The following ZNF750 variants were observed in gnomAD, a reference collection of about 807,000 sequenced individuals.
The protein encoded by ZNF750 is protein ZNF750.
Under a neutral mutation model 31.6 loss-of-function variants are expected in ZNF750, and 10 were observed. That is an observed-to-expected ratio of 0.32 (90% CI 0.19 to 0.54). The LOEUF is 0.54. Among genes scored for constraint, ZNF750 ranks in the 20% least tolerant of loss-of-function variants. The pLI is 0.95. For synonymous variants in ZNF750, 400 were observed against 404.9 expected (o/e 0.99, Z 0.15); for missense variants, 914 against 934.9 (o/e 0.98, Z 0.29).
At position 82,830,498 on chromosome 17, in the gene ZNF750, C is replaced by A. The variant is rs762687130; in HGVS notation, c.1816G>T (p.Gly606Cys). The A allele has an allele frequency of 6.2e-7, 1 of 1,613,632 alleles. No individual in the cohort carries two copies. The highest frequency in any genetic ancestry group is 8.5e-7 in the Non-Finnish European group (1 of 1,179,782). The part of the protein sequence containing the change: ...HPETKPGSLD[G>C]DGAPPTGPGE... Reference sequence around the variant, plus strand: ...GGGCCTGTGGGTGGGGCCCCGTCACCGTCGAGGCTGCCTGGCTTGGTCTCA... The same window carrying A: ...GGGCCTGTGGGTGGGGCCCCGTCACAGTCGAGGCTGCCTGGCTTGGTCTCA... The change falls in exon 3 of 3, where the codon GGT becomes TGT. Residue 606 changes from glycine (G) to cysteine (C), a missense_variant. By Grantham distance (159) the Gly-to-Cys change is radical. This residue lies in a region of ZNF750 where 880 missense variants were observed against 868.9 expected (regional missense o/e 1.01). Transcript: ENST00000269394.
chr17:82,831,083 C>G lies in ZNF750; in HGVS notation c.1372G>C (p.Val458Leu), dbSNP rs1567851993. The change falls in exon 2 of 3, where the codon GTT (valine) becomes CTT (leucine). Residue 458 changes from valine (V) to leucine (L), a missense_variant. Val to Leu is a conservative substitution (Grantham distance 32). Transcript: ENST00000269394. The surrounding 1 kb of genome is among the most constrained non-coding windows in gnomAD (Gnocchi z 4.6). ...GGTAGGCATTCTGTGCTTTTCTTAACAGGCCTGAAGGCTGTGAGGCTTTGC... is the reference window on the plus strand; with the variant it reads ...GGTAGGCATTCTGTGCTTTTCTTAAGAGGCCTGAAGGCTGTGAGGCTTTGC... The part of the protein sequence containing the change: ...PEQSLTAFRP[V>L]KKSTECLPAQ... The G allele has an allele frequency of 6.2e-7, 1 of 1,614,200 alleles. No homozygotes were observed. Among genetic ancestry groups the G allele is most frequent in the Non-Finnish European group, 8.5e-7 (1 of 1,180,042 alleles).
chr17:82,830,415 C>G lies in ZNF750; in HGVS notation c.1899G>C (p.Thr633=), dbSNP rs373278721. 3.4e-5 allele frequency: 55 copies of G among 1,611,664 alleles called. No homozygotes were observed. The African/African-American group carries it at 4.5e-4, about 13-fold the overall frequency. The change falls in exon 3 of 3, where the codon ACG becomes ACC. Residue 633 remains threonine (T), a synonymous_variant. Coordinates refer to ENST00000269394, the MANE Select transcript of ZNF750 (RefSeq NM_024702.3). ...AVDSSEEQKQ[T]AAVALCQLAA... is the part of the protein sequence containing the mutation. ...CCAGCTGGCACAGGGCCACGGCTGC[C>G]GTCTGCTTCTGCTCCTCGCTGCTGT...
At chr17:82,834,181 C>T (rs923618940) in intron 1 of ZNF750, among the ~76,000 whole-genome samples, 1 of 152,150 alleles carries the variant, frequency 6.6e-6, no homozygotes, top group Non-Finnish European at 1.5e-5. Context: ...CTCCTGACCT[C>T]AGGTGATCCA....
intron 1 of ZNF750, among the ~76,000 whole-genome samples, chr17:82,834,251 A>C (rs904845884): frequency 6.6e-6 from 1 of 152,180 alleles, no homozygotes; most frequent in Non-Finnish European, 1.5e-5. Context: ...CCCGTCCCAG[A>C]ACAAAGGCTT....
intron 1 of ZNF750, among the ~76,000 whole-genome samples, chr17:82,837,741 T>C (rs1044607196): frequency 2.0e-5 from 3 of 152,272 alleles, no homozygotes; most frequent in Admixed American, 6.5e-5. Context: ...GGATCAAAGG[T>C]GGCTGTTGCT....
chr17:82,831,119 A>G lies in ZNF750; in HGVS notation c.1336T>C (p.Tyr446His), dbSNP rs2053468255. ...KAASSALGRLYPPEQSLTAFR... is the reference protein window; with the variant it reads ...KAASSALGRLHPPEQSLTAFR... The stretch of plus-strand genomic sequence containing the variant: ...GCTGTGAGGCTTTGCTCTGGCGGGT[A>G]GAGTCTTCCCAGTGCGCTGGAGGCT... The change falls in exon 2 of 3, where the codon TAC becomes CAC. Residue 446 changes from tyrosine to histidine, a missense_variant. Around this residue, in one of 2 missense-constraint regions of ZNF750, gnomAD observed 880 missense variants for 868.9 expected, o/e 1.01. Transcript: ENST00000269394. This position sits in a 1 kb window ranked among gnomAD's most constrained non-coding sequence, Gnocchi z 4.6. 1.2e-6 allele frequency: 2 copies of G among 1,614,134 alleles called. No homozygotes were observed. The highest frequency in any genetic ancestry group is 1.1e-5 in the South Asian group (1 of 91,082).
Position 82,832,291 on chromosome 17 carries a change from A to G in ZNF750, c.164T>C (p.Leu55Ser), listed in dbSNP as rs749514638. 1.9e-6 allele frequency: 3 copies of G among 1,614,250 alleles called. No individual in the cohort carries two copies. Among genetic ancestry groups the G allele is most frequent in the South Asian group, 1.1e-5 (1 of 91,088 alleles). ...GGGAACTCGATCCTGCTCTGATACT[A>G]AAGTAATCGAGTTTTTACAAAGACC... ...KYGLCKNSIT[L>S]VSEQDRVPKC... Residue 55 changes from leucine (L) to serine (S), a missense_variant, in exon 2 of 3, where the codon TTA becomes TCA. By Grantham distance (145) the Leu-to-Ser change is moderately radical. Around this residue, in one of 2 missense-constraint regions of ZNF750, gnomAD observed 34 missense variants for 66.0 expected, o/e 0.52. Transcript: ENST00000269394. The surrounding 1 kb of genome is among the most constrained non-coding windows in gnomAD (Gnocchi z 4.9).
In ZNF750 at chr17:82,835,498, C is replaced by T. The variant is rs1160741749; in HGVS notation, c.-182-2862G>A. Among the ~76,000 whole-genome samples the T allele has an allele frequency of 3.3e-5, 5 of 152,222 alleles. No homozygotes were observed. The highest frequency in any genetic ancestry group is 7.3e-5 in the Non-Finnish European group (5 of 68,040). ...AGGGCAGTGGTGCGATCTCGGTTCACTGCAACCTCTGCCTCCTGGGTTCAA... is the reference window on the plus strand; with the variant it reads ...AGGGCAGTGGTGCGATCTCGGTTCATTGCAACCTCTGCCTCCTGGGTTCAA... On this transcript the variant is annotated intron_variant, in intron 1 of 2. Coordinates refer to ENST00000269394, the MANE Select transcript of ZNF750 (RefSeq NM_024702.3). This position sits in a 1 kb window ranked among gnomAD's most constrained non-coding sequence, Gnocchi z 4.5.
rs565671741 is a variant in ZNF750, at chr17:82,832,526, G to C, written c.-72C>G. On this transcript the variant is annotated 5_prime_UTR_variant, in exon 2 of 3. Transcript: ENST00000269394. This position sits in a 1 kb window ranked among gnomAD's most constrained non-coding sequence, Gnocchi z 4.9. ...CTGTCGACGCCGCGTGCACTTCGTGGTTTCTAAAGAGGCACCTCCCGCTTT... is the reference window on the plus strand; with the variant it reads ...CTGTCGACGCCGCGTGCACTTCGTGCTTTCTAAAGAGGCACCTCCCGCTTT... 2.8e-6 allele frequency: 4 copies of C among 1,405,808 alleles called. No individual in the cohort carries two copies. The highest frequency in any genetic ancestry group is 4.0e-6 in the Non-Finnish European group (4 of 1,006,212). 87.1% of individuals were successfully genotyped at this position (1,405,808 alleles called of 1,614,324 possible).
chr17:82,830,109 C>T lies in ZNF750; in HGVS notation c.*33G>A, dbSNP rs749538789. 1.2e-5 allele frequency: 19 copies of T among 1,612,190 alleles called. No individual in the cohort carries two copies. The highest frequency in any genetic ancestry group is 6.7e-5 in the Admixed American group (4 of 59,998). On this transcript the variant is annotated 3_prime_UTR_variant, in exon 3 of 3. Transcript: ENST00000269394. ...CCACCTTGGAAGGCGTGTGTGTGGC[C>T]GTAGCTCTGTGAACACACGTGTGAA...
In ZNF750 at chr17:82,831,915, C is replaced by T. The variant is rs772336681; in HGVS notation, c.540G>A (p.Glu180=). 2 of 1,614,082 alleles carry T rather than the reference C, an allele frequency of 1.2e-6. No individual in the cohort carries two copies. Among genetic ancestry groups the T allele is most frequent in the African/African-American group, 2.7e-5 (2 of 74,914 alleles). The change falls in exon 2 of 3, where the codon GAG becomes GAA. Residue 180 remains glutamate, a synonymous_variant. Transcript: ENST00000269394. The surrounding 1 kb of genome is among the most constrained non-coding windows in gnomAD (Gnocchi z 4.6). ...LKGPDNAEAP[E]TLALHNPTAK... is the part of the protein sequence containing the mutation. ...CAGTGGGGTTGTGTAAAGCCAGTGTCTCGGGCGCCTCGGCGTTGTCTGGCC... is the reference window on the plus strand; with the variant it reads ...CAGTGGGGTTGTGTAAAGCCAGTGTTTCGGGCGCCTCGGCGTTGTCTGGCC...
intron 1 of ZNF750, chr17:82,838,961 T>C (rs746955803): frequency 1.7e-4 from 169 of 985,298 alleles, no homozygotes; most frequent in Middle Eastern, 5.2e-4. Context: ...CTGTGCTTGG[T>C]CAGTAATTGT....
rs558022009 is a variant in ZNF750 at position 82,833,634 on chromosome 17, G to A, written c.-182-998C>T. Among the ~76,000 whole-genome samples, 16 of 152,298 alleles carry A rather than the reference G, an allele frequency of 1.1e-4. No homozygotes were observed. Among genetic ancestry groups the A allele is most frequent in the South Asian group, 2.1e-4 (1 of 4,824 alleles). Reference sequence around the variant, plus strand: ...GAGGCATGGCCAGCAGCGCCTGCCCGTCCAGATGCACCACCAAATGGAAGA... The same window carrying A: ...GAGGCATGGCCAGCAGCGCCTGCCCATCCAGATGCACCACCAAATGGAAGA... On this transcript the variant is annotated intron_variant, in intron 1 of 2. Transcript: ENST00000269394. This position sits in a 1 kb window ranked among gnomAD's most constrained non-coding sequence, Gnocchi z 4.7.
chr17:82,831,985 G>A lies in ZNF750; in HGVS notation c.470C>T (p.Ala157Val). 1 of 1,613,400 alleles carries A rather than the reference G, an allele frequency of 6.2e-7. No individual in the cohort carries two copies. Among genetic ancestry groups the A allele is most frequent in the African/African-American group, 1.3e-5 (1 of 75,052 alleles). ...GACTGGAACAAATGCAGAAGGCCGA[G>A]CTGCGCCTTCCAGAGCAGGCTGGGC... The part of the protein sequence containing the change: ...LGAQPALEGA[A>V]RPSAFVPVGE... The change falls in exon 2 of 3, where the codon GCT (alanine) becomes GTT (valine). Residue 157 changes from alanine (A) to valine (V), a missense_variant. Around this residue, in one of 2 missense-constraint regions of ZNF750, gnomAD observed 880 missense variants for 868.9 expected, o/e 1.01. Transcript: ENST00000269394. The surrounding 1 kb of genome is among the most constrained non-coding windows in gnomAD (Gnocchi z 4.6).
Position 82,832,802 on chromosome 17 carries a change from C to T in ZNF750, c.-182-166G>A, listed in dbSNP as rs1391213119. ...TGCCGGTCACAGAAGCAGCCCTGCC[C>T]TACCCTTGGTAACCTGGCTGCTGAC... On this transcript the variant is annotated intron_variant, in intron 1 of 2. Coordinates refer to ENST00000269394, the MANE Select transcript of ZNF750 (RefSeq NM_024702.3). The surrounding 1 kb of genome is among the most constrained non-coding windows in gnomAD (Gnocchi z 4.9). Among the ~76,000 whole-genome samples, 1 of 152,348 alleles carries T rather than the reference C, an allele frequency of 6.6e-6. No individual in the cohort carries two copies. The highest frequency in any genetic ancestry group is 2.4e-5 in the African/African-American group (1 of 41,588).
In ZNF750 at chr17:82,831,331, A is replaced by T. The variant is rs745802053; in HGVS notation, c.1124T>A (p.Val375Asp). The change falls in exon 2 of 3, where the codon GTC (valine) becomes GAC (aspartate). Residue 375 changes from valine (V) to aspartate (D), a missense_variant. Around this residue, in one of 2 missense-constraint regions of ZNF750, gnomAD observed 880 missense variants for 868.9 expected, o/e 1.01. Coordinates refer to ENST00000269394, the MANE Select transcript of ZNF750 (RefSeq NM_024702.3). The surrounding 1 kb of genome is among the most constrained non-coding windows in gnomAD (Gnocchi z 4.6). ...CTCAGGAATTGGACTTTCGAACTCG[A>T]CGTGTTTTCTGTTGGGGTCCGAAGG... ...LNPSDPNRKH[V>D]EFESPIPEAK... The T allele has an allele frequency of 1.3e-5, 21 of 1,613,704 alleles. No homozygotes were observed. The highest frequency in any genetic ancestry group is 1.6e-5 in the Non-Finnish European group (19 of 1,179,986).
At chr17:82,834,562 C>T (rs750411500) in intron 1 of ZNF750, among the ~76,000 whole-genome samples, 15 of 152,114 alleles carry the variant, frequency 9.9e-5, no homozygotes, top group South Asian at 2.1e-4. Context: ...TCATGTCCTT[C>T]GCAGGGAGAA....
chr17:82,829,844 T>G lies in ZNF750; in HGVS notation c.*298A>C, dbSNP rs763097863. ...ATTTGTTGTAATGGTGAGATATTTA[T>G]AAGGAAACATTTATAAAAGATCTTC... On this transcript the variant is annotated 3_prime_UTR_variant, in exon 3 of 3. Coordinates refer to ENST00000269394, the MANE Select transcript of ZNF750 (RefSeq NM_024702.3). 1.2e-5 allele frequency: 5 copies of G among 418,212 alleles called. No homozygotes were observed. Among genetic ancestry groups the G allele is most frequent in the Non-Finnish European group, 1.7e-5 (4 of 232,876 alleles). 25.9% of individuals were successfully genotyped at this position (418,212 alleles called of 1,614,324 possible).
intron 1 of ZNF750, among the ~76,000 whole-genome samples, chr17:82,837,443 A>G (rs2054084899): frequency 6.6e-6 from 1 of 152,198 alleles, no homozygotes; most frequent in African/African-American, 2.4e-5. Flanking sequence ...TTGTATTTAG[A>G]GGTGCAGTTT....
Sources: allele counts gnomAD v4.1 joint callset (sites outside exome capture counted in the v4.1 genomes callset), GRCh38; gene constraint gnomAD v4.1.1; regional missense constraint gnomAD v4.1.1; non-coding constraint Gnocchi (gnomAD v3.1); transcripts MANE v1.5; gene names NCBI Gene and HGNC (gene_info 2026-07-23, HGNC 2026-07-21).